AMOTL1: variants seen among roughly 807,000 people sequenced by gnomAD.
AMOTL1 encodes angiomotin like 1.
In AMOTL1, 45 loss-of-function variants were observed where a neutral mutation model predicts 102.9. The ratio of observed to expected loss-of-function variants is 0.44; its 90% CI spans 0.34 to 0.56. AMOTL1 has a LOEUF of 0.56. AMOTL1 is among the 20% of genes least tolerant of loss of function. The pLI is 0.01. For missense variants in AMOTL1, 1,114 were observed against 1,225.6 expected, an observed-to-expected ratio of 0.91 and a Z score of 1.36; for synonymous variants, 481 against 484.7, an observed-to-expected ratio of 0.99 and a Z score of 0.10.
intron 3 of AMOTL1, among the ~76,000 whole-genome samples, chr11:94,802,152 C>T (rs1016553068): frequency 3.9e-5 from 6 of 152,174 alleles, no homozygotes; most frequent in African/African-American, 1.2e-4. Context: ...CGCATTCTCC[C>T]TAAGTGGGCA....
In AMOTL1 at chr11:94,728,672, T is replaced by G. The variant is rs533864277; in HGVS notation, c.-50-249T>G. On this transcript the variant is annotated intron_variant, in intron 1 of 4. Transcript: ENST00000299004. ...ACTATGCACAACTAAATAGTAAATT[T>G]CTTGCTCAAAGCCTGGCATACAATA... Among the ~76,000 whole-genome samples, 47 of 152,270 alleles carry G rather than the reference T, an allele frequency of 3.1e-4. 1 individual carries two copies. The Middle Eastern group carries it at 0.01, about 33-fold the overall frequency.
In AMOTL1 at chr11:94,874,971, G is replaced by A. The variant is rs114155664; in HGVS notation, c.*4176G>A. On this transcript the variant is annotated 3_prime_UTR_variant, in exon 13 of 13. Coordinates refer to ENST00000433060, the MANE Select transcript of AMOTL1 (RefSeq NM_130847.3). ...TGATCTTGCACTCCTCTTAAGCAAA[G>A]GAGTACCATGACCATAGTCAGTGGG... 1.4e-3 allele frequency: 218 copies of A among 152,320 alleles called. 1 individual carries two copies. The highest frequency in any genetic ancestry group is 5.0e-3 in the African/African-American group (206 of 41,560). The allele number at this position is 152,320 out of a possible 1,614,324, so 9.4% of individuals were successfully genotyped here.
intron 1 of AMOTL1, among the ~76,000 whole-genome samples, chr11:94,784,031 A>G (rs369972976): frequency 6.6e-6 from 1 of 151,654 alleles, no homozygotes; most frequent in Admixed American, 6.6e-5. Context: ...CTGTTTTTGT[A>G]TAGTACAAAG....
chr11:94,856,649 C>T (rs535942179), intron 8 of AMOTL1, among the ~76,000 whole-genome samples: 5 of 152,288 alleles, frequency 3.3e-5, no homozygotes, highest in African/African-American at 2.4e-5. Context: ...AGACTTCTGC[C>T]GTCCACACCA....
intron 2 of AMOTL1, among the ~76,000 whole-genome samples, chr11:94,735,942 A>G (rs1160330459): frequency 1.3e-5 from 2 of 152,220 alleles, no homozygotes; most frequent in African/African-American, 2.4e-5. Context: ...TTCCCAGGCC[A>G]GCTCCCAAAA....
chr11:94,719,520 G>A (rs1352966312), intron 1 of AMOTL1, among the ~76,000 whole-genome samples: 1 of 151,748 alleles, frequency 6.6e-6, no homozygotes, highest in Non-Finnish European at 1.5e-5. Context: ...AGAAATTCTA[G>A]GCTAATAATC....
Position 94,850,106 on chromosome 11 carries a change from C to A in AMOTL1, c.1649-8C>A. On this transcript the variant is annotated splice_region_variant and splice_polypyrimidine_tract_variant and intron_variant, in intron 6 of 12. Transcript: ENST00000433060. Reference sequence around the variant, plus strand: ...ATAGAGGTAGTTTTGTTCGTGTTTCCCTTCTAGACAAAGAATTCTTGAAGG... The same window carrying A: ...ATAGAGGTAGTTTTGTTCGTGTTTCACTTCTAGACAAAGAATTCTTGAAGG... 1 of 1,575,684 alleles carries A rather than the reference C, an allele frequency of 6.3e-7. No homozygotes were observed. The highest frequency in any genetic ancestry group is 1.2e-5 in the South Asian group (1 of 85,582).
chr11:94,716,719 G>T (rs375763417), intron 1 of AMOTL1, among the ~76,000 whole-genome samples: 7 of 152,060 alleles, frequency 4.6e-5, no homozygotes, highest in African/African-American at 1.7e-4. Context: ...GGATGGATTG[G>T]CCTACCTGTT....
At chr11:94,801,399 AC>A (rs957411623) in intron 3 of AMOTL1, among the ~76,000 whole-genome samples, 4 of 152,120 alleles carry the variant, frequency 2.6e-5, no homozygotes, top group Non-Finnish European at 4.4e-5. Flanking sequence ...GTATGTTTGG[AC>A]AGGGAAGTTG....
chr11:94,785,027 AG>A (rs1951163698), intron 1 of AMOTL1, among the ~76,000 whole-genome samples: 1 of 152,090 alleles, frequency 6.6e-6, no homozygotes, highest in African/African-American at 2.4e-5. Flanking sequence ...GTGATGAGGA[AG>A]GGTGGTTTCA....
At chr11:94,821,392 C>G (rs1951863060) in intron 3 of AMOTL1, 138 bp from the exon 4 acceptor site, 1 of 880,256 alleles carries the variant, frequency 1.1e-6, no homozygotes, top group Non-Finnish European at 1.7e-6. Flanking sequence ...GATGGGAGCA[C>G]AGTGAATACC....
chr11:94,830,462 G>A (rs902653513), intron 5 of AMOTL1, among the ~76,000 whole-genome samples: 31 of 152,180 alleles, frequency 2.0e-4, no homozygotes, highest in African/African-American at 4.8e-4. Flanking sequence ...TTCTGTTTGC[G>A]GCTCCTTCTT....
At chr11:94,743,223 G>T (rs763308455) in intron 3 of AMOTL1, among the ~76,000 whole-genome samples, 1 of 152,172 alleles carries the variant, frequency 6.6e-6, no homozygotes, top group Non-Finnish European at 1.5e-5. Context: ...GGTTGTGCCC[G>T]GGGATCCCTA....
chr11:94,746,163 G>A (rs1470224900), intron 3 of AMOTL1, among the ~76,000 whole-genome samples: 1 of 152,196 alleles, frequency 6.6e-6, no homozygotes, highest in Non-Finnish European at 1.5e-5. Context: ...AGGCAGTAGA[G>A]AAAGGGGTGT....
At chr11:94,822,311 T>C (rs543395266) in intron 4 of AMOTL1, among the ~76,000 whole-genome samples, 58 of 152,256 alleles carry the variant, frequency 3.8e-4, no homozygotes, top group Middle Eastern at 3.4e-3. Context: ...TGGTGGCCCA[T>C]GCCTTGCAGT....
chr11:94,745,001 T>C (rs1224737356), intron 3 of AMOTL1, among the ~76,000 whole-genome samples: 1 of 152,238 alleles, frequency 6.6e-6, no homozygotes, highest in Non-Finnish European at 1.5e-5. Flanking sequence ...AAATTTATTA[T>C]CTTTATCCCA....
intron 1 of AMOTL1, among the ~76,000 whole-genome samples, chr11:94,708,889 G>C (rs1368721315): frequency 6.6e-6 from 1 of 152,152 alleles, no homozygotes; most frequent in Non-Finnish European, 1.5e-5. Flanking sequence ...ACCAGGAAAG[G>C]CCTGAGTAAA....
At chr11:94,781,077 A>G (rs1036815169) in intron 1 of AMOTL1, among the ~76,000 whole-genome samples, 1 of 152,130 alleles carries the variant, frequency 6.6e-6, no homozygotes, top group Non-Finnish European at 1.5e-5. Flanking sequence ...AAGTTATTGC[A>G]ATTTCTTTTC....
In AMOTL1 at chr11:94,855,071, C is replaced by T. The variant is rs1321027243; in HGVS notation, c.1944+989C>T. On this transcript the variant is annotated intron_variant, in intron 8 of 12. Coordinates refer to ENST00000433060, the MANE Select transcript of AMOTL1 (RefSeq NM_130847.3). ...ATCACCCAGCATGATGAGCAGAGGC[C>T]TTTATGTAGCTGGTGAAGGGTGTGT... is the stretch of plus-strand genomic sequence containing the variant. 2.6e-5 allele frequency among the ~76,000 whole-genome samples: 4 copies of T among 152,158 alleles called. No homozygotes were observed. The East Asian group carries it at 5.8e-4, about 22-fold the overall frequency.
Sources: gnomAD v4.1 joint callset for allele counts (sites outside exome capture counted in the v4.1 genomes callset) on GRCh38, gnomAD v4.1.1 for gene constraint, MANE v1.5 for transcripts, NCBI Gene and HGNC (gene_info 2026-07-23, HGNC 2026-07-21) for gene names.